WASL: variants seen among roughly 807,000 people sequenced by gnomAD.
WASL encodes the protein actin nucleation-promoting factor WASL.
A neutral mutation model predicts 55.5 loss-of-function variants in WASL; 20 were observed. That is an observed-to-expected ratio of 0.36 (90% CI 0.25 to 0.52). The LOEUF is 0.52. WASL is among the 20% of genes least tolerant of loss of function. WASL has a pLI of 0.92. For missense variants in WASL, 504 were observed against 622.5 expected, an observed-to-expected ratio of 0.81 and a Z score of 2.03; for synonymous variants, 249 against 217.6, an observed-to-expected ratio of 1.14 and a Z score of -1.27.
chr7:123,684,399 G>T lies in WASL; in HGVS notation c.*120C>A. The T allele has an allele frequency of 2.6e-6, 1 of 384,420 alleles. No homozygotes were observed. The highest frequency in any genetic ancestry group is 4.8e-6 in the Non-Finnish European group (1 of 210,266). 23.8% of individuals were successfully genotyped at this position (384,420 alleles called of 1,614,324 possible). On this transcript the variant is annotated 3_prime_UTR_variant, in exon 11 of 11. Coordinates refer to ENST00000223023, the MANE Select transcript of WASL (RefSeq NM_003941.4). ...CACAGATTAAAAAAAAGCAAAAAAG[G>T]CAACAAAAATATACAGCAAATTGGT...
At chr7:123,721,501 T>C (rs1373330004) in intron 1 of WASL, among the ~76,000 whole-genome samples, 1 of 152,070 alleles carries the variant, frequency 6.6e-6, no homozygotes, top group African/African-American at 2.4e-5. Flanking sequence ...CTCATGTACA[T>C]TACACACAAG....
intron 5 of WASL, among the ~76,000 whole-genome samples, chr7:123,703,876 A>G (rs374897947): frequency 6.6e-6 from 1 of 152,148 alleles, no homozygotes; most frequent in African/African-American, 2.4e-5. Context: ...ATGATTCTTT[A>G]CCTTCATAGA....
chr7:123,727,359 A>ACACG (rs996543291), intron 1 of WASL, among the ~76,000 whole-genome samples: 8 of 151,576 alleles, frequency 5.3e-5, no homozygotes, highest in Admixed American at 6.6e-5. Flanking sequence ...TGTGTCACAC[A>ACACG]CACACACACA....
Position 123,692,549 on chromosome 7 carries a change from G to A in WASL, c.1145C>T (p.Pro382Leu). The change falls in exon 9 of 11, where the codon CCT becomes CTT. Residue 382 changes from proline to leucine, a missense_variant. By Grantham distance (98) the Pro-to-Leu change is moderately conservative. Around this residue, in one of 5 missense-constraint regions of WASL, gnomAD observed 201 missense variants for 206.2 expected, o/e 0.97. Transcript: ENST00000223023. ...APPPPPPPPP[P>L]PGPPPPPGLP... ...GCCAGGCGGGGGCGGTGGCCCAGGA[G>A]GAGGTGGAGGTGGAGGCGGTGGGGG... is the stretch of plus-strand genomic sequence containing the variant. 4 of 1,613,996 alleles carry A rather than the reference G, an allele frequency of 2.5e-6. No homozygotes were observed. The South Asian group carries it at 3.3e-5, about 13-fold the overall frequency.
intron 5 of WASL, among the ~76,000 whole-genome samples, chr7:123,697,563 C>T (rs1803512850): frequency 6.6e-6 from 1 of 152,174 alleles, no homozygotes; most frequent in Admixed American, 6.5e-5. Context: ...CCTCAGAGAT[C>T]CTATTTTTAT....
intron 1 of WASL, among the ~76,000 whole-genome samples, chr7:123,731,679 A>C (rs1178808329): frequency 6.6e-6 from 1 of 152,232 alleles, no homozygotes; most frequent in Non-Finnish European, 1.5e-5. Flanking sequence ...TTCTAAACAT[A>C]CTTCTAAATA....
In WASL at chr7:123,690,227, A is replaced by G. The variant is rs576785203; in HGVS notation, c.1348-1077T>C. On this transcript the variant is annotated intron_variant, in intron 9 of 10. Transcript: ENST00000223023. ...CAGAGAGCACAAAGCAGAAGTGAGCATACTCTCATCAAACACATTTTTTGA... is the reference window on the plus strand; with the variant it reads ...CAGAGAGCACAAAGCAGAAGTGAGCGTACTCTCATCAAACACATTTTTTGA... Among the ~76,000 whole-genome samples, 4 of 152,342 alleles carry G rather than the reference A, an allele frequency of 2.6e-5. No individual in the cohort carries two copies. The South Asian group carries it at 8.3e-4, about 32-fold the overall frequency.
chr7:123,731,197 C>T (rs1430467133), intron 1 of WASL, among the ~76,000 whole-genome samples: 5 of 151,990 alleles, frequency 3.3e-5, no homozygotes, highest in African/African-American at 1.2e-4. Flanking sequence ...TATATGCACA[C>T]ATATATACCA....
intron 1 of WASL, among the ~76,000 whole-genome samples, chr7:123,718,984 C>T (rs1194604456): frequency 6.6e-6 from 1 of 152,166 alleles, no homozygotes. Flanking sequence ...TATACCACAT[C>T]CTCCAGTTAC....
Position 123,704,656 on chromosome 7 carries a change from C to T in WASL, c.438G>A (p.Glu146=), listed in dbSNP as rs1803640182. ...TACCATTTGGGGGATCTCGTCTTTT[C>T]TCTGTTAGAAAATAAATTAGAAGAA... The part of the protein sequence containing the change: ...DLLGRRQRKS[E]KRRDPPNGPN... Residue 146 remains glutamate (E), a splice_region_variant and synonymous_variant, in exon 5 of 11, where the codon GAG becomes GAA. Coordinates refer to ENST00000223023, the MANE Select transcript of WASL (RefSeq NM_003941.4). 18 of 1,483,172 alleles carry T rather than the reference C, an allele frequency of 1.2e-5. No homozygotes were observed. Among genetic ancestry groups the T allele is most frequent in the Admixed American group, 2.0e-5 (1 of 49,676 alleles). The allele number at this position is 1,483,172 out of a possible 1,614,324, so 91.9% of individuals were successfully genotyped here.
At chr7:123,700,253 G>A (rs1040534947) in intron 5 of WASL, among the ~76,000 whole-genome samples, 2 of 145,592 alleles carry the variant, frequency 1.4e-5, no homozygotes, top group African/African-American at 5.1e-5. Context: ...ATATAATGGA[G>A]ATATATAGAA....
At chr7:123,706,400 A>C in intron 3 of WASL, 27 bp from the exon 4 acceptor site, 5 of 1,586,626 alleles carry the variant, frequency 3.2e-6, no homozygotes, top group Non-Finnish European at 4.3e-6. Context: ...ACAAAGGGGA[A>C]ACAACAGAAT....
chr7:123,733,630 T>C (rs1452418302), intron 1 of WASL, among the ~76,000 whole-genome samples: 1 of 151,890 alleles, frequency 6.6e-6, no homozygotes, highest in Non-Finnish European at 1.5e-5. Flanking sequence ...AACGGAAAGA[T>C]ATGGAAAGGA....
chr7:123,696,495 G>T, intron 6 of WASL, 84 bp downstream of exon 6: 1 of 1,342,426 alleles, frequency 7.4e-7, no homozygotes, highest in Non-Finnish European at 9.7e-7. Flanking sequence ...GAAAAGAGAA[G>T]AAAATTTTCT....
At chr7:123,743,871 C>T (rs1002018123) in intron 1 of WASL, among the ~76,000 whole-genome samples, 1 of 152,180 alleles carries the variant, frequency 6.6e-6, no homozygotes, top group African/African-American at 2.4e-5. Flanking sequence ...ATTCATAACC[C>T]AACCCTGTTG....
At chr7:123,700,203 A>AAAAAAAAAAAAAAAAAAAAAAAAAAAAC (rs1562959037) in intron 5 of WASL, among the ~76,000 whole-genome samples, 1 of 71,910 alleles carries the variant, frequency 1.4e-5, no homozygotes, top group African/African-American at 5.1e-5. Context: ...AAAAAAAAAA[A>AAAAAAAAAAAAAAAAAAAAAAAAAAAAC]AAAACAACAT....
intron 7 of WASL, among the ~76,000 whole-genome samples, chr7:123,695,552 G>C (rs1248067246): frequency 6.6e-6 from 1 of 152,058 alleles, no homozygotes; most frequent in Non-Finnish European, 1.5e-5. Context: ...TGGCAGAAAT[G>C]ATTTTCTTCT....
chr7:123,729,370 C>G (rs1413985718), intron 1 of WASL, among the ~76,000 whole-genome samples: 1 of 151,980 alleles, frequency 6.6e-6, no homozygotes, highest in Non-Finnish European at 1.5e-5. Context: ...CTAATGGCTA[C>G]CAAGTACCAT....
At chr7:123,704,788 C>A in intron 4 of WASL, 131 bp from the exon 5 acceptor site, 1 of 510,186 alleles carries the variant, frequency 2.0e-6, no homozygotes, top group Non-Finnish European at 3.3e-6. Context: ...TTTCAGAAGA[C>A]CCGACATTTA....
Sources: gnomAD v4.1 joint callset for allele counts (sites outside exome capture counted in the v4.1 genomes callset) on GRCh38, gnomAD v4.1.1 for gene constraint, gnomAD v4.1.1 regional missense constraint, MANE v1.5 for transcripts, NCBI Gene and HGNC (gene_info 2026-07-23, HGNC 2026-07-21) for gene names.